Variants in BMP6 observed in about 807,000 individuals in gnomAD.
The protein encoded by BMP6 is bone morphogenetic protein 6, also known as VG-1-R.
Under a neutral mutation model 54.1 loss-of-function variants are expected in BMP6, and 17 were observed. The observed-to-expected ratio is 0.31, with a 90% CI of 0.22 to 0.47. The LOEUF (loss-of-function observed/expected upper bound fraction) is 0.47, where lower values mean the gene tolerates loss of function less well. Ranked by LOEUF, BMP6 falls within the 20% of genes least tolerant of loss-of-function variation. The pLI, the probability that BMP6 is intolerant of heterozygous loss-of-function variation, is 1.00. For missense variants in BMP6, 720 were observed against 690.4 expected, an observed-to-expected ratio of 1.04 and a Z score of -0.48; for synonymous variants, 328 against 291.2, an observed-to-expected ratio of 1.13 and a Z score of -1.28.
chr6:7,871,575 G>T (rs769710158), intron 4 of BMP6, among the ~76,000 whole-genome samples: 95 of 152,222 alleles, frequency 6.2e-4, no homozygotes, highest in Non-Finnish European at 9.8e-4. Context: ...GAGCACCTGG[G>T]GCCTTGTCTT....
chr6:7,817,902 G>A (rs543576692), intron 1 of BMP6, among the ~76,000 whole-genome samples: 1 of 152,328 alleles, frequency 6.6e-6, no homozygotes, highest in East Asian at 1.9e-4. Context: ...ATTGCAAAGT[G>A]AGAAAACTGA....
intron 1 of BMP6, among the ~76,000 whole-genome samples, chr6:7,804,782 A>G (rs1412171756): frequency 6.6e-6 from 1 of 152,208 alleles, no homozygotes; most frequent in Non-Finnish European, 1.5e-5. Flanking sequence ...CTACAGTGTC[A>G]TGTATAGATG....
chr6:7,795,583 C>T (rs1473956257), intron 1 of BMP6, among the ~76,000 whole-genome samples: 1 of 152,132 alleles, frequency 6.6e-6, no homozygotes, highest in East Asian at 1.9e-4. Context: ...GGAGTTTAAT[C>T]AGGAGCGATG....
chr6:7,782,582 C>A (rs74510187), intron 1 of BMP6, among the ~76,000 whole-genome samples: 1 of 152,046 alleles, frequency 6.6e-6, no homozygotes, highest in Non-Finnish European at 1.5e-5. Flanking sequence ...AGGTGGCCCA[C>A]GCCTGCAGTC....
chr6:7,837,655 G>A (rs941634497), intron 1 of BMP6, among the ~76,000 whole-genome samples: 1 of 151,954 alleles, frequency 6.6e-6, no homozygotes, highest in Non-Finnish European at 1.5e-5. Context: ...GACTGAGGGG[G>A]GCTTAGGCAT....
intron 1 of BMP6, among the ~76,000 whole-genome samples, chr6:7,822,026 T>G (rs1032193728): frequency 1.4e-5 from 2 of 144,498 alleles, no homozygotes. Flanking sequence ...CAGGAGGGAC[T>G]TTTTTTTTTT....
chr6:7,879,770 G>A (rs1456964603), intron 5 of BMP6, among the ~76,000 whole-genome samples: 2 of 152,180 alleles, frequency 1.3e-5, no homozygotes, highest in African/African-American at 4.8e-5. Context: ...CTGAGGCCCT[G>A]TGGGCCTCTG....
chr6:7,834,374 A>G (rs565786944), intron 1 of BMP6, among the ~76,000 whole-genome samples: 119 of 152,222 alleles, frequency 7.8e-4, no homozygotes, highest in African/African-American at 2.8e-3. Context: ...AGAATTTCAC[A>G]TATTGGAGAA....
rs2113300759 is a variant in BMP6, at chr6:7,880,659, T to TA, written c.*316_*317insA. On this transcript the variant is annotated 3_prime_UTR_variant, in exon 7 of 7. Transcript: ENST00000283147. ...AAAACCCACCAAAATTAGTTTTAGC[T>TA]GTAGATCAAGCTATTTGGGGTGTTT... is the stretch of plus-strand genomic sequence containing the variant. 2 of 385,378 alleles carry TA rather than the reference T, an allele frequency of 5.2e-6. No homozygotes were observed. The highest frequency in any genetic ancestry group is 3.4e-5 in the South Asian group (1 of 29,650). The allele number at this position is 385,378 out of a possible 1,614,324, so 23.9% of individuals were successfully genotyped here. A position where few individuals can be genotyped will look rare whatever the true frequency, so the allele number is the denominator to read the frequency against.
intron 1 of BMP6, among the ~76,000 whole-genome samples, chr6:7,812,916 C>G (rs1758455689): frequency 2.0e-5 from 3 of 149,112 alleles, no homozygotes; most frequent in African/African-American, 2.5e-5. Flanking sequence ...CTACCTTTCT[C>G]TGAGTTCTGT....
Position 7,727,249 on chromosome 6 carries a change from C to T in BMP6, c.294C>T (p.Gly98=), listed in dbSNP as rs1761746416. 1.2e-6 allele frequency: 2 copies of T among 1,605,976 alleles called. No individual in the cohort carries two copies. The highest frequency in any genetic ancestry group is 1.1e-5 in the South Asian group (1 of 90,494). ...GLPHRPRPLH[G]LQQPQPPALR... is the part of the protein sequence containing the mutation. ...CGCACCGGCCCCGGCCCCTGCACGG[C>T]CTCCAACAGCCGCAGCCCCCGGCGC... The change falls in exon 1 of 7, where the codon GGC becomes GGT. Residue 98 remains glycine (G), a synonymous_variant. Coordinates refer to ENST00000283147, the MANE Select transcript of BMP6 (RefSeq NM_001718.6).
At chr6:7,828,827 G>A (rs1329479260) in intron 1 of BMP6, among the ~76,000 whole-genome samples, 1 of 152,210 alleles carries the variant, frequency 6.6e-6, no homozygotes, top group Non-Finnish European at 1.5e-5. Flanking sequence ...GGACAGCCAT[G>A]TGCAGATGCC....
intron 1 of BMP6, among the ~76,000 whole-genome samples, chr6:7,814,537 A>G (rs904194894): frequency 1.3e-5 from 2 of 151,892 alleles, no homozygotes; most frequent in African/African-American, 4.8e-5. Flanking sequence ...TTTAAATCTT[A>G]TCCTTTGTTA....
chr6:7,814,814 CTGTCGGGGT>C (rs1394217085), intron 1 of BMP6, among the ~76,000 whole-genome samples: 1 of 152,012 alleles, frequency 6.6e-6, no homozygotes, highest in Non-Finnish European at 1.5e-5. Flanking sequence ...ATACCGGGGC[CTGTCGGGGT>C]GAGGCAGGGG....
intron 1 of BMP6, among the ~76,000 whole-genome samples, chr6:7,779,463 C>G (rs138416418): frequency 6.6e-6 from 1 of 152,012 alleles, no homozygotes; most frequent in East Asian, 1.9e-4. Flanking sequence ...CTCAGCCTCC[C>G]GAGTAGCTGG....
chr6:7,755,643 C>A, intron 1 of BMP6, among the ~76,000 whole-genome samples: 1 of 151,912 alleles, frequency 6.6e-6, no homozygotes, highest in East Asian at 1.9e-4. Flanking sequence ...ACTCTTTATT[C>A]CTTTTTGTAG....
chr6:7,738,499 C>T (rs556691016), intron 1 of BMP6, among the ~76,000 whole-genome samples: 2 of 152,290 alleles, frequency 1.3e-5, no homozygotes, highest in South Asian at 4.2e-4. Flanking sequence ...GGCTGCCTCA[C>T]CACGACCTGC....
At chr6:7,753,601 G>A (rs1012562525) in intron 1 of BMP6, among the ~76,000 whole-genome samples, 1 of 152,146 alleles carries the variant, frequency 6.6e-6, no homozygotes, top group African/African-American at 2.4e-5. Context: ...GAGTTATTCT[G>A]GGGAGGTAAG....
chr6:7,868,122 C>T (rs366386), intron 4 of BMP6, among the ~76,000 whole-genome samples: 74,050 of 151,990 alleles, frequency 0.49, 19,200 homozygotes, highest in East Asian at 0.71. Context: ...TGTCTATTTG[C>T]AGGACAGTTC....
Sources: allele counts gnomAD v4.1 joint callset (sites outside exome capture counted in the v4.1 genomes callset), GRCh38; gene constraint gnomAD v4.1.1; transcripts MANE v1.5; gene names NCBI Gene and HGNC (gene_info 2026-07-23, HGNC 2026-07-21).